Variants in SMYD3 observed in about 807,000 individuals in gnomAD.
SMYD3 encodes the protein histone-lysine N-methyltransferase SMYD3.
In SMYD3, 36 loss-of-function variants were observed where a neutral mutation model predicts 57.7. The observed-to-expected ratio is 0.62, with a 90% CI of 0.48 to 0.82. SMYD3 has a LOEUF of 0.82. Among genes scored for constraint, SMYD3 ranks in the 40% least tolerant of loss-of-function variants. The probability of loss-of-function intolerance (pLI) is 0.00; values close to 1 mark genes in which losing one functional copy is unlikely to be tolerated. For missense variants in SMYD3, 515 were observed against 538.8 expected, an observed-to-expected ratio of 0.96 and a Z score of 0.44; for synonymous variants, 211 against 195.0, an observed-to-expected ratio of 1.08 and a Z score of -0.68.
intron 5 of SMYD3, among the ~76,000 whole-genome samples, chr1:246,164,478 G>A (rs1426600000): frequency 6.6e-6 from 1 of 152,154 alleles, no homozygotes; most frequent in Non-Finnish European, 1.5e-5. Flanking sequence ...CTCATGAGGT[G>A]ATGGAATGCC....
intron 8 of SMYD3, among the ~76,000 whole-genome samples, chr1:245,897,742 A>T (rs553045124): frequency 5.9e-5 from 9 of 152,188 alleles, no homozygotes; most frequent in African/African-American, 1.7e-4. Context: ...CAAAAAGTAT[A>T]AAAAATTAGC....
At position 245,836,885 on chromosome 1, in the gene SMYD3, T is replaced by C. The variant is rs556886617; in HGVS notation, c.1076+21611A>G. The stretch of plus-strand genomic sequence containing the variant: ...ACCTTTAAGTGGATAACTTGGCTTC[T>C]GGTTTGCCAAGGAACCAGGGCATCA... On this transcript the variant is annotated intron_variant, in intron 10 of 11. Coordinates refer to ENST00000490107, the MANE Select transcript of SMYD3 (RefSeq NM_001167740.2). 2.6e-5 allele frequency among the ~76,000 whole-genome samples: 4 copies of C among 152,362 alleles called. No homozygotes were observed. The East Asian group carries it at 7.7e-4, about 29-fold the overall frequency.
chr1:246,131,939 C>T (rs761701269), intron 5 of SMYD3, among the ~76,000 whole-genome samples: 35 of 152,064 alleles, frequency 2.3e-4, no homozygotes, highest in Non-Finnish European at 4.1e-4. Flanking sequence ...TGATGTCCTT[C>T]TGAGCACAAT....
chr1:246,356,825 T>A (rs1336936704), intron 1 of SMYD3, among the ~76,000 whole-genome samples: 2 of 152,194 alleles, frequency 1.3e-5, no homozygotes, highest in Non-Finnish European at 2.9e-5. Flanking sequence ...GAATAATTGG[T>A]GTTCCCAAGA....
At chr1:246,107,998 A>G (rs2061161415) in intron 5 of SMYD3, among the ~76,000 whole-genome samples, 1 of 152,236 alleles carries the variant, frequency 6.6e-6, no homozygotes. Flanking sequence ...CTAAGGAAAG[A>G]GCAAAATCTA....
intron 2 of SMYD3, among the ~76,000 whole-genome samples, chr1:246,344,529 T>A (rs898892964): frequency 6.6e-6 from 1 of 152,238 alleles, no homozygotes; most frequent in Non-Finnish European, 1.5e-5. Flanking sequence ...TTTGGAACAT[T>A]GAACATTTAT....
At chr1:246,167,643 TG>T (rs1396600493) in intron 5 of SMYD3, among the ~76,000 whole-genome samples, 1 of 151,846 alleles carries the variant, frequency 6.6e-6, no homozygotes, top group Non-Finnish European at 1.5e-5. Flanking sequence ...CCCGAGTAGC[TG>T]GGATTATAGG....
At chr1:246,343,633 T>G (rs1386766011) in intron 2 of SMYD3, among the ~76,000 whole-genome samples, 1 of 152,234 alleles carries the variant, frequency 6.6e-6, no homozygotes, top group Admixed American at 6.5e-5. Flanking sequence ...CAAGTCTGTA[T>G]GCCAAAGAGT....
intron 5 of SMYD3, among the ~76,000 whole-genome samples, chr1:246,178,542 C>T (rs1434553740): frequency 1.3e-5 from 2 of 152,144 alleles, no homozygotes; most frequent in African/African-American, 4.8e-5. Flanking sequence ...CCTGCTCGAT[C>T]AATATTTACT....
intron 5 of SMYD3, among the ~76,000 whole-genome samples, chr1:246,048,740 A>G (rs1250323046): frequency 6.6e-6 from 1 of 152,046 alleles, no homozygotes; most frequent in Non-Finnish European, 1.5e-5. Flanking sequence ...CAACTTCACA[A>G]GGTTATTGTA....
chr1:246,445,393 C>A (rs2067537592), intron 1 of SMYD3, among the ~76,000 whole-genome samples: 1 of 152,174 alleles, frequency 6.6e-6, no homozygotes, highest in Non-Finnish European at 1.5e-5. Flanking sequence ...CAACTACAGG[C>A]CTGTCCTATG....
intron 5 of SMYD3, among the ~76,000 whole-genome samples, chr1:245,944,935 T>A (rs2057382423): frequency 6.6e-6 from 1 of 152,174 alleles, no homozygotes; most frequent in African/African-American, 2.4e-5. Flanking sequence ...GCTAGCCATA[T>A]GCAGAAAACT....
intron 10 of SMYD3, among the ~76,000 whole-genome samples, chr1:245,780,222 T>C (rs2046774349): frequency 6.6e-6 from 1 of 152,180 alleles, no homozygotes; most frequent in Non-Finnish European, 1.5e-5. Flanking sequence ...AAAACATGTA[T>C]ACGAATGTTT....
At chr1:246,147,014 G>A (rs1349718460) in intron 5 of SMYD3, among the ~76,000 whole-genome samples, 1 of 152,146 alleles carries the variant, frequency 6.6e-6, no homozygotes, top group East Asian at 1.9e-4. Context: ...TTCGGCAGAG[G>A]ACAATCTGTT....
chr1:245,929,469 G>C (rs1170255866), intron 6 of SMYD3, among the ~76,000 whole-genome samples: 1 of 152,224 alleles, frequency 6.6e-6, no homozygotes, highest in Non-Finnish European at 1.5e-5. Flanking sequence ...AGGGCTCAGA[G>C]TGTGCCAACT....
intron 5 of SMYD3, among the ~76,000 whole-genome samples, chr1:246,030,546 G>C (rs978844291): frequency 3.9e-5 from 6 of 151,910 alleles, no homozygotes; most frequent in African/African-American, 1.2e-4. Flanking sequence ...CAAAAAGTTA[G>C]AGGAGAGTAT....
chr1:246,404,265 A>C (rs115173250), intron 1 of SMYD3, among the ~76,000 whole-genome samples: 3 of 152,332 alleles, frequency 2.0e-5, no homozygotes, highest in African/African-American at 7.2e-5. Context: ...CCTTGGCTCA[A>C]GATCCCATCT....
At chr1:246,421,886 G>C (rs1004984782) in intron 1 of SMYD3, among the ~76,000 whole-genome samples, 1 of 152,324 alleles carries the variant, frequency 6.6e-6, no homozygotes, top group South Asian at 2.1e-4. Flanking sequence ...CAGCTCAAAA[G>C]GGAGAGAGCA....
At chr1:246,259,024 G>C (rs2063949697) in intron 5 of SMYD3, among the ~76,000 whole-genome samples, 2 of 152,060 alleles carry the variant, frequency 1.3e-5, no homozygotes, top group East Asian at 1.9e-4. Context: ...ACTTTGAATT[G>C]TATTTTTAAA....
Sources: allele counts gnomAD v4.1 joint callset (sites outside exome capture counted in the v4.1 genomes callset), GRCh38; gene constraint gnomAD v4.1.1; transcripts MANE v1.5; gene names NCBI Gene and HGNC (gene_info 2026-07-23, HGNC 2026-07-21).